Variants in DDC observed in about 807,000 individuals in gnomAD.
The protein encoded by DDC is dopa decarboxylase.
In DDC, 43 loss-of-function variants were observed where a neutral mutation model predicts 60.0. That is an observed-to-expected ratio of 0.72 (90% CI 0.56 to 0.92). The LOEUF is 0.92. Among genes scored for constraint, DDC ranks in the 40% least tolerant of loss-of-function variants. The probability of loss-of-function intolerance (pLI) is 0.00; values close to 1 mark genes in which losing one functional copy is unlikely to be tolerated. For missense variants in DDC, 573 were observed against 620.2 expected, an observed-to-expected ratio of 0.92 and a Z score of 0.81; for synonymous variants, 232 against 234.6, an observed-to-expected ratio of 0.99 and a Z score of 0.10.
At chr7:50,511,082 C>A (rs1007095738) in intron 6 of DDC, among the ~76,000 whole-genome samples, 217 of 143,582 alleles carry the variant, frequency 1.5e-3, no homozygotes, top group South Asian at 4.1e-3. Flanking sequence ...CACACACACA[C>A]ACAAAATAAT....
chr7:50,549,158 A>G (rs1294529679), intron 1 of DDC, among the ~76,000 whole-genome samples: 2 of 152,202 alleles, frequency 1.3e-5, no homozygotes, highest in Non-Finnish European at 2.9e-5. Context: ...CAAGATGTAC[A>G]AGGAAATTAA....
intron 11 of DDC, 73 bp downstream of exon 11, chr7:50,476,551 A>T: frequency 7.7e-7 from 1 of 1,306,092 alleles, no homozygotes. Flanking sequence ...GGGGGAGGAG[A>T]TGTGTGACAG....
At position 50,476,735 on chromosome 7, in the gene DDC, T is replaced by C. The variant is rs574871657; in HGVS notation, c.1022-92A>G. The C allele has an allele frequency of 3.2e-6, 4 of 1,253,202 alleles. No individual in the cohort carries two copies. In the South Asian group the frequency reaches 3.7e-5, roughly 12 times the overall value. The allele number at this position is 1,253,202 out of a possible 1,614,324, so 77.6% of individuals were successfully genotyped here. On this transcript the variant is annotated intron_variant, in intron 10 of 14. Transcript: ENST00000444124. ...CTTTTCATTTTCCAGGTAAATTTCT[T>C]GTGTCTTCTAAGCCAGAAATAAAAC...
chr7:50,494,948 C>A (rs979994652), intron 9 of DDC, among the ~76,000 whole-genome samples: 1 of 152,288 alleles, frequency 6.6e-6, no homozygotes, highest in African/African-American at 2.4e-5. Flanking sequence ...CAGGTGTGAG[C>A]CACTGTGCCC....
At chr7:50,468,843 G>A (rs1272203153) in intron 12 of DDC, among the ~76,000 whole-genome samples, 3 of 152,006 alleles carry the variant, frequency 2.0e-5, no homozygotes, top group Non-Finnish European at 4.4e-5. Context: ...ATCAGAGAGA[G>A]CCAGCAGAAC....
At chr7:50,550,158 G>A (rs1180054874) in intron 1 of DDC, among the ~76,000 whole-genome samples, 1 of 152,266 alleles carries the variant, frequency 6.6e-6, no homozygotes, top group South Asian at 2.1e-4. Context: ...TTGTTTTAAG[G>A]AATTGCCACA....
At chr7:50,554,471 C>T (rs1473994752) in intron 1 of DDC, among the ~76,000 whole-genome samples, 3 of 152,184 alleles carry the variant, frequency 2.0e-5, no homozygotes, top group African/African-American at 7.2e-5. Flanking sequence ...AGGCCGGCTT[C>T]CTCAGCTCCT....
In DDC at chr7:50,554,040, C is replaced by T. The variant is rs577397846; in HGVS notation, c.-28-9927G>A. The stretch of plus-strand genomic sequence containing the variant: ...CATTTTTGTCAGTGGCCAGGAGGTA[C>T]GTGAATAATCTAAATCCGCTCACAA... On this transcript the variant is annotated intron_variant, in intron 1 of 14. Coordinates refer to ENST00000444124, the MANE Select transcript of DDC (RefSeq NM_001082971.2). 1.8e-4 allele frequency among the ~76,000 whole-genome samples: 28 copies of T among 152,240 alleles called. 1 individual carries two copies. In the South Asian group the frequency reaches 5.4e-3, roughly 29 times the overall value.
At chr7:50,503,751 G>A (rs1036304881) in intron 7 of DDC, among the ~76,000 whole-genome samples, 9 of 152,074 alleles carry the variant, frequency 5.9e-5, no homozygotes, top group African/African-American at 9.7e-5. Flanking sequence ...TATATTGCTC[G>A]GATTTTTTTT....
chr7:50,564,629 T>C (rs55738142), intron 1 of DDC, among the ~76,000 whole-genome samples: 54,478 of 152,142 alleles, frequency 0.36, 10,329 homozygotes, highest in East Asian at 0.59. Flanking sequence ...TTCGACTCCT[T>C]GAAGTCGATA....
chr7:50,553,308 A>G (rs1197194090), intron 1 of DDC, among the ~76,000 whole-genome samples: 1 of 152,110 alleles, frequency 6.6e-6, no homozygotes, highest in African/African-American at 2.4e-5. Context: ...TTTTTACACT[A>G]TTCCAGTAAA....
At chr7:50,531,819 G>A (rs1367208546) in intron 4 of DDC, 1 of 152,298 alleles carries the variant, frequency 6.6e-6, no homozygotes, top group East Asian at 1.9e-4. Flanking sequence ...GTGGTACAGA[G>A]CAGGAACGAT....
intron 6 of DDC, among the ~76,000 whole-genome samples, chr7:50,511,989 TCAC>T (rs1414750601): frequency 4.6e-5 from 7 of 151,878 alleles, no homozygotes; most frequent in African/African-American, 1.5e-4. Context: ...ATCTCATAAA[TCAC>T]CACTAAAAAA....
At chr7:50,526,276 T>C (rs1457043283) in intron 6 of DDC, among the ~76,000 whole-genome samples, 2 of 152,084 alleles carry the variant, frequency 1.3e-5, no homozygotes, top group African/African-American at 4.8e-5. Context: ...GAAGAAAGAA[T>C]TCAATGGACT....
intron 6 of DDC, among the ~76,000 whole-genome samples, chr7:50,513,862 C>T (rs2043653626): frequency 6.6e-6 from 1 of 152,026 alleles, no homozygotes; most frequent in Non-Finnish European, 1.5e-5. Context: ...CTAGCCCCAC[C>T]CCCGCCTGGT....
intron 7 of DDC, among the ~76,000 whole-genome samples, chr7:50,503,218 G>A (rs201162754): frequency 3.3e-5 from 5 of 152,190 alleles, no homozygotes; most frequent in East Asian, 1.9e-4. Flanking sequence ...ACTCACAGCC[G>A]AGCGGTCAGA....
rs761672337 is a variant in DDC at position 50,528,185 on chromosome 7, C to A, written c.666G>T (p.Leu222=). The change falls in exon 6 of 15, where the codon CTG becomes CTT. Residue 222 remains leucine, a synonymous_variant. Coordinates refer to ENST00000444124, the MANE Select transcript of DDC (RefSeq NM_001082971.2). Reference sequence around the variant, plus strand: ...CTTTGTCTCTCTCCAGGGCTTCCTGCAGGGCAGACGCACGCATGGCGAAGT... The same window carrying A: ...CTTTGTCTCTCTCCAGGGCTTCCTGAAGGGCAGACGCACGCATGGCGAAGT... The part of the protein sequence containing the change: ...DGNFAMRASA[L]QEALERDKAA... 1.9e-6 allele frequency: 3 copies of A among 1,613,886 alleles called. No homozygotes were observed. The highest frequency in any genetic ancestry group is 2.5e-6 in the Non-Finnish European group (3 of 1,180,044).
chr7:50,482,195 C>A (rs530771405), intron 9 of DDC, among the ~76,000 whole-genome samples: 1 of 152,326 alleles, frequency 6.6e-6, no homozygotes, highest in African/African-American at 2.4e-5. Flanking sequence ...CTGCAGTCTG[C>A]GAGCTCCTCT....
At chr7:50,467,684 G>A (rs2042428064) in intron 12 of DDC, among the ~76,000 whole-genome samples, 1 of 152,216 alleles carries the variant, frequency 6.6e-6, no homozygotes, top group Non-Finnish European at 1.5e-5. Context: ...TGAGGTGCCA[G>A]CGCTCACCAC....
Sources: allele counts gnomAD v4.1 joint callset (sites outside exome capture counted in the v4.1 genomes callset), GRCh38; gene constraint gnomAD v4.1.1; transcripts MANE v1.5; gene names NCBI Gene and HGNC (gene_info 2026-07-23, HGNC 2026-07-21).